The following PPARGC1A variants were observed in gnomAD, a reference collection of about 807,000 sequenced individuals.
PPARGC1A encodes PPARG coactivator 1 alpha.
Under a neutral mutation model 88.7 loss-of-function variants are expected in PPARGC1A, and 25 were observed. That is an observed-to-expected ratio of 0.28 (90% CI 0.21 to 0.39). PPARGC1A has a LOEUF of 0.39. Among genes scored for constraint, PPARGC1A ranks in the 10% least tolerant of loss-of-function variants. The probability of loss-of-function intolerance (pLI) is 1.00; values close to 1 mark genes in which losing one functional copy is unlikely to be tolerated. For missense variants in PPARGC1A, 880 were observed against 968.7 expected (o/e 0.91, Z 1.22); for synonymous variants, 363 against 355.6 (o/e 1.02, Z -0.24).
the PPARGC1A span, among the ~76,000 whole-genome samples, chr4:24,029,076 A>T: frequency 1.3e-5 from 2 of 152,144 alleles, no homozygotes; most frequent in Non-Finnish European, 2.9e-5. Flanking sequence ...TTATTTATAT[A>T]ATTATTTGCT....
At chr4:24,144,577 G>A in the PPARGC1A span, among the ~76,000 whole-genome samples, 1 of 151,926 alleles carries the variant, frequency 6.6e-6, no homozygotes, top group Non-Finnish European at 1.5e-5. Flanking sequence ...ACTGATCCCT[G>A]CTTCTTGCTC....
At chr4:23,969,880 C>T in the PPARGC1A span, among the ~76,000 whole-genome samples, 34 of 152,328 alleles carry the variant, frequency 2.2e-4, no homozygotes, top group African/African-American at 5.5e-4. Context: ...CTCAAAATAT[C>T]CCAGTATGTC....
chr4:23,918,863 G>A, the PPARGC1A span, among the ~76,000 whole-genome samples: 6 of 152,058 alleles, frequency 3.9e-5, no homozygotes, highest in South Asian at 2.1e-4. Context: ...AGGAGCAAGC[G>A]GCCTCTGTGT....
At chr4:24,226,493 T>G in the PPARGC1A span, among the ~76,000 whole-genome samples, 11 of 152,328 alleles carry the variant, frequency 7.2e-5, no homozygotes, top group African/African-American at 2.6e-4. Context: ...AGCAGCTTTC[T>G]CTGTCTGCTC....
At chr4:24,037,449 T>C in the PPARGC1A span, among the ~76,000 whole-genome samples, 2 of 152,176 alleles carry the variant, frequency 1.3e-5, no homozygotes, top group Non-Finnish European at 2.9e-5. Flanking sequence ...AATATTTAAG[T>C]AGAAATTACC....
chr4:24,091,431 G>T, the PPARGC1A span: 9 of 984,080 alleles, frequency 9.1e-6, no homozygotes, highest in Non-Finnish European at 1.1e-5. Context: ...AGTTGAGAGA[G>T]ATTTGGGTCC....
the PPARGC1A span, among the ~76,000 whole-genome samples, chr4:24,283,010 G>A: frequency 7.9e-5 from 12 of 152,080 alleles, no homozygotes; most frequent in African/African-American, 2.2e-4. Flanking sequence ...TCAATAATAC[G>A]GCAGTTACTT....
chr4:23,869,582 C>A (rs1370241712), intron 2 of PPARGC1A, among the ~76,000 whole-genome samples: 1 of 141,470 alleles, frequency 7.1e-6, no homozygotes, highest in African/African-American at 2.6e-5. Flanking sequence ...ATTCTTTATC[C>A]AAAGGCAAGT....
the PPARGC1A span, among the ~76,000 whole-genome samples, chr4:23,930,145 C>T: frequency 1.3e-5 from 2 of 152,026 alleles, no homozygotes; most frequent in South Asian, 2.1e-4. Flanking sequence ...CCTTTAAGTC[C>T]CCAAATCAGG....
chr4:24,153,253 T>C, the PPARGC1A span, among the ~76,000 whole-genome samples: 1 of 152,132 alleles, frequency 6.6e-6, no homozygotes, highest in African/African-American at 2.4e-5. Context: ...TCGATGAACA[T>C]TTGAATTTGC....
At chr4:23,960,433 A>G in the PPARGC1A span, among the ~76,000 whole-genome samples, 1 of 152,146 alleles carries the variant, frequency 6.6e-6, no homozygotes, top group African/African-American at 2.4e-5. Context: ...ACCCTTCTCT[A>G]GAACATACAA....
chr4:24,229,180 G>GTTTTTTTT, the PPARGC1A span, among the ~76,000 whole-genome samples: 2 of 28,410 alleles, frequency 7.0e-5, no homozygotes, highest in Admixed American at 2.7e-4. Context: ...TTGAGATGGA[G>GTTTTTTTT]TCTTGTTCTG....
the PPARGC1A span, among the ~76,000 whole-genome samples, chr4:24,077,098 T>C: frequency 3.3e-5 from 5 of 152,098 alleles, no homozygotes; most frequent in African/African-American, 1.2e-4. Context: ...TCAGTTCCAC[T>C]TTTTTCCTCC....
chr4:24,365,371 T>A, the PPARGC1A span, among the ~76,000 whole-genome samples: 1 of 152,186 alleles, frequency 6.6e-6, no homozygotes, highest in Admixed American at 6.5e-5. Context: ...TCTTTTCTAA[T>A]GAATTTGTAT....
At chr4:23,918,276 G>A in the PPARGC1A span, among the ~76,000 whole-genome samples, 3 of 151,476 alleles carry the variant, frequency 2.0e-5, no homozygotes, top group South Asian at 4.2e-4. Context: ...AGTCTGGAGT[G>A]CAGTGGCATG....
At chr4:24,347,362 G>A in the PPARGC1A span, among the ~76,000 whole-genome samples, 183 of 152,286 alleles carry the variant, frequency 1.2e-3, no homozygotes, top group Middle Eastern at 6.8e-3. Flanking sequence ...TGTCAGTGGA[G>A]TATTGAAGTC....
the PPARGC1A span, among the ~76,000 whole-genome samples, chr4:23,963,940 A>G: frequency 0.3 from 45,460 of 152,024 alleles, 7,101 homozygotes; most frequent in East Asian, 0.44. Context: ...AGCAGTGTGG[A>G]GAACACAGCA....
At chr4:23,816,687 A>G (rs1245691156) in intron 7 of PPARGC1A, among the ~76,000 whole-genome samples, 1 of 152,168 alleles carries the variant, frequency 6.6e-6, no homozygotes, top group African/African-American at 2.4e-5. Context: ...ATGGCATTCA[A>G]CATCCTCATA....
the PPARGC1A span, among the ~76,000 whole-genome samples, chr4:24,328,663 C>A: frequency 6.6e-6 from 1 of 152,190 alleles, no homozygotes; most frequent in Non-Finnish European, 1.5e-5. Flanking sequence ...ACAGTGAAGG[C>A]CGTGTGTATT....
Sources: allele counts gnomAD v4.1 joint callset (sites outside exome capture counted in the v4.1 genomes callset), GRCh38; gene constraint gnomAD v4.1.1; transcripts MANE v1.5; gene names NCBI Gene and HGNC (gene_info 2026-07-23, HGNC 2026-07-21).